The following RIPOR2 variants were observed in gnomAD, a reference collection of about 807,000 sequenced individuals.
The protein encoded by RIPOR2 is RHO family interacting cell polarization regulator 2.
RIPOR2 carries 39 observed loss-of-function variants against 114.5 expected under a neutral mutation model. That is an observed-to-expected ratio of 0.34 (90% CI 0.26 to 0.44). The LOEUF is 0.44. RIPOR2 is among the 20% of genes least tolerant of loss of function. The pLI, the probability that RIPOR2 is intolerant of heterozygous loss-of-function variation, is 1.00. For missense variants in RIPOR2, 1,007 were observed against 1,255.1 expected, an observed-to-expected ratio of 0.80 and a Z score of 2.99; for synonymous variants, 445 against 484.4, an observed-to-expected ratio of 0.92 and a Z score of 1.07.
intron 1 of RIPOR2, among the ~76,000 whole-genome samples, chr6:24,950,840 ATTTC>A (rs1025018089): frequency 7.2e-5 from 11 of 152,294 alleles, no homozygotes; most frequent in African/African-American, 2.6e-4. Flanking sequence ...TTTAGTGCTG[ATTTC>A]TCAAATCTTT....
intron 13 of RIPOR2, chr6:24,840,614 G>A: frequency 2.0e-6 from 3 of 1,520,920 alleles, no homozygotes; most frequent in East Asian, 2.5e-5. Flanking sequence ...CGCAAGGTAG[G>A]AAGGGCCTTG....
At chr6:24,914,087 C>A (rs1489043996) in intron 1 of RIPOR2, among the ~76,000 whole-genome samples, 2 of 152,214 alleles carry the variant, frequency 1.3e-5, no homozygotes, top group Admixed American at 6.5e-5. Context: ...ATAATCCCAG[C>A]ACTTTGGGAG....
chr6:25,000,604 C>T (rs1279980306), intron 1 of RIPOR2, among the ~76,000 whole-genome samples: 1 of 152,018 alleles, frequency 6.6e-6, no homozygotes, highest in Non-Finnish European at 1.5e-5. Flanking sequence ...TCATGTTTTA[C>T]ATACAGCCAG....
chr6:24,992,397 A>C (rs867540478), intron 1 of RIPOR2, among the ~76,000 whole-genome samples: 3 of 152,226 alleles, frequency 2.0e-5, no homozygotes, highest in South Asian at 2.1e-4. Context: ...ATCAATGCCC[A>C]AAAATCACTG....
chr6:25,006,685 A>G (rs944980268), intron 1 of RIPOR2, among the ~76,000 whole-genome samples: 1 of 152,158 alleles, frequency 6.6e-6, no homozygotes, highest in Non-Finnish European at 1.5e-5. Context: ...GGCCTTGCAC[A>G]AGTTTTTGAT....
chr6:24,981,857 G>A (rs115385740), intron 1 of RIPOR2, among the ~76,000 whole-genome samples: 2,124 of 152,294 alleles, frequency 0.014, 50 homozygotes, highest in African/African-American at 0.045. Context: ...AGATTTAGAA[G>A]GGTTTCTGAC....
intron 1 of RIPOR2, among the ~76,000 whole-genome samples, chr6:25,025,170 C>T (rs115382659): frequency 5.4e-4 from 82 of 152,266 alleles, no homozygotes; most frequent in African/African-American, 1.9e-3. Context: ...CTCTGTCTCA[C>T]GCCTGCTCCC....
chr6:24,933,539 A>G (rs755963756), intron 1 of RIPOR2, among the ~76,000 whole-genome samples: 3 of 152,262 alleles, frequency 2.0e-5, no homozygotes, highest in Non-Finnish European at 4.4e-5. Flanking sequence ...CTGAATAAAA[A>G]TACACTGGAT....
At chr6:24,833,014 A>G (rs77852573) in intron 15 of RIPOR2, among the ~76,000 whole-genome samples, 1,534 of 152,276 alleles carry the variant, frequency 0.01, 28 homozygotes, top group African/African-American at 0.032. Flanking sequence ...GAGGTTAAGT[A>G]ACCTGCCCAA....
In RIPOR2 at chr6:24,862,927, T is replaced by C. The variant is rs950974282; in HGVS notation, c.652-1891A>G. On this transcript the variant is annotated intron_variant, in intron 7 of 21. Coordinates refer to ENST00000643898, the MANE Select transcript of RIPOR2 (RefSeq NM_001286445.3). ...CATCATAATAACATGCTGGCTTTTG[T>C]GGTTATGTGAGGATGTATTTCTTTC... is the stretch of plus-strand genomic sequence containing the variant. 2.0e-5 allele frequency among the ~76,000 whole-genome samples: 3 copies of C among 151,978 alleles called. No homozygotes were observed. The East Asian group carries it at 5.8e-4, about 29-fold the overall frequency.
chr6:24,971,284 A>G (rs1039994012), intron 1 of RIPOR2, among the ~76,000 whole-genome samples: 1 of 152,230 alleles, frequency 6.6e-6, no homozygotes, highest in Non-Finnish European at 1.5e-5. Context: ...GAAGACTTCG[A>G]TCAGGGAGAT....
rs1386320174 is a variant in RIPOR2, at chr6:24,843,349, A to T, written c.1370T>A (p.Met457Lys). 6.2e-7 allele frequency: 1 copy of T among 1,613,842 alleles called. No individual in the cohort carries two copies. The highest frequency in any genetic ancestry group is 8.5e-7 in the Non-Finnish European group (1 of 1,179,840). ...LSSLASQNEG[M>K]DDTSSASSRN... ...GGAAGATGCTGAGCTGGTGTCATCC[A>T]TACCCTCATTCTGGGAGGCCAAGCT... The change falls in exon 13 of 22, where the codon ATG becomes AAG. Residue 457 changes from methionine (M) to lysine (K), a missense_variant. Met to Lys is a moderately conservative substitution (Grantham distance 95). Coordinates refer to ENST00000643898, the MANE Select transcript of RIPOR2 (RefSeq NM_001286445.3).
At chr6:24,891,247 C>T (rs778714237) in intron 1 of RIPOR2, among the ~76,000 whole-genome samples, 10 of 152,072 alleles carry the variant, frequency 6.6e-5, no homozygotes, top group Admixed American at 1.3e-4. Flanking sequence ...ATTAAACTGC[C>T]ATAAAAGGAA....
At chr6:24,899,261 A>G (rs1768181389) in intron 1 of RIPOR2, among the ~76,000 whole-genome samples, 1 of 152,106 alleles carries the variant, frequency 6.6e-6, no homozygotes, top group Non-Finnish European at 1.5e-5. Context: ...AAAGGAAACT[A>G]TACTCAGGCT....
intron 1 of RIPOR2, chr6:25,041,693 A>G: frequency 1.7e-6 from 1 of 584,074 alleles, no homozygotes; most frequent in Admixed American, 3.2e-5. Flanking sequence ...TCGGTAAAAA[A>G]ATACCAAAGT....
intron 3 of RIPOR2, among the ~76,000 whole-genome samples, 187 bp from the exon 4 acceptor site, chr6:24,873,146 C>G (rs1372213195): frequency 6.6e-6 from 1 of 152,138 alleles, no homozygotes; most frequent in Non-Finnish European, 1.5e-5. Flanking sequence ...TGGATACTAT[C>G]CAGCTGGGAA....
intron 1 of RIPOR2, among the ~76,000 whole-genome samples, chr6:25,031,742 TATATATATAA>T (rs1776979234): frequency 1.6e-5 from 1 of 62,058 alleles, no homozygotes; most frequent in Non-Finnish European, 3.7e-5. Context: ...TATATATATA[TATATATATAA>T]AATATCCATA....
At chr6:24,974,816 A>T (rs1348136051) in intron 1 of RIPOR2, among the ~76,000 whole-genome samples, 1 of 152,250 alleles carries the variant, frequency 6.6e-6, no homozygotes, top group Non-Finnish European at 1.5e-5. Flanking sequence ...GGCAACAAAA[A>T]GTAAGAGGTA....
At chr6:24,970,772 A>G (rs1773750790) in intron 1 of RIPOR2, among the ~76,000 whole-genome samples, 1 of 152,198 alleles carries the variant, frequency 6.6e-6, no homozygotes, top group African/African-American at 2.4e-5. Flanking sequence ...GCAAAATTAA[A>G]AAGTGAGATT....
Sources: allele counts gnomAD v4.1 joint callset (sites outside exome capture counted in the v4.1 genomes callset), GRCh38; gene constraint gnomAD v4.1.1; transcripts MANE v1.5; gene names NCBI Gene and HGNC (gene_info 2026-07-23, HGNC 2026-07-21).